FSTL5: variants seen among roughly 807,000 people sequenced by gnomAD.
FSTL5 encodes the protein follistatin like 5, also known as follistatin-related protein 5.
FSTL5 carries 62 observed loss-of-function variants against 89.1 expected under a neutral mutation model. The observed-to-expected ratio is 0.70, with a 90% CI of 0.57 to 0.86. The LOEUF (loss-of-function observed/expected upper bound fraction) is 0.86, where lower values mean the gene tolerates loss of function less well. Ranked by LOEUF, FSTL5 falls within the 40% of genes least tolerant of loss-of-function variation. The pLI is 0.00. For missense variants in FSTL5, 1,057 were observed against 1,001.6 expected (o/e 1.06, Z -0.75); for synonymous variants, 383 against 346.2 (o/e 1.11, Z -1.18).
intron 10 of FSTL5, 134 bp from the exon 11 acceptor site, chr4:161,510,558 T>A (rs1730619522): frequency 2.0e-6 from 1 of 500,954 alleles, no homozygotes; most frequent in Non-Finnish European, 3.5e-6. Context: ...TGAAGTTAAT[T>A]CAGTGAGCTA....
intron 7 of FSTL5, among the ~76,000 whole-genome samples, chr4:161,600,709 T>C (rs1034005289): frequency 3.3e-5 from 5 of 152,144 alleles, no homozygotes; most frequent in Non-Finnish European, 7.4e-5. Context: ...TTTATTTTGG[T>C]TTCATCAAAA....
chr4:161,531,363 T>C (rs2126530456), intron 10 of FSTL5, among the ~76,000 whole-genome samples: 1 of 152,304 alleles, frequency 6.6e-6, no homozygotes, highest in East Asian at 1.9e-4. Context: ...ATGAGCTCTC[T>C]ATTATGTAGA....
At chr4:161,464,782 T>C (rs1219331980) in intron 13 of FSTL5, among the ~76,000 whole-genome samples, 1 of 152,246 alleles carries the variant, frequency 6.6e-6, no homozygotes, top group East Asian at 1.9e-4. Context: ...ATCATGATCA[T>C]TATTGTTATT....
intron 6 of FSTL5, among the ~76,000 whole-genome samples, chr4:161,682,242 T>C (rs1296338834): frequency 1.3e-5 from 2 of 152,166 alleles, no homozygotes; most frequent in African/African-American, 4.8e-5. Flanking sequence ...TGTGAAGGCC[T>C]AGGACATTCC....
At chr4:162,100,047 T>C (rs549949390) in intron 2 of FSTL5, among the ~76,000 whole-genome samples, 3 of 152,318 alleles carry the variant, frequency 2.0e-5, no homozygotes, top group Non-Finnish European at 4.4e-5. Context: ...GACCATATGA[T>C]CCAGCGATCA....
rs188800351 is a variant in FSTL5, at chr4:161,487,026, T to C, written c.1459-5857A>G. 4.9e-4 allele frequency among the ~76,000 whole-genome samples: 75 copies of C among 152,304 alleles called. No homozygotes were observed. The East Asian group carries it at 0.014, about 28-fold the overall frequency. On this transcript the variant is annotated intron_variant, in intron 12 of 15. Transcript: ENST00000306100. Reference sequence around the variant, plus strand: ...GGCAGCCAAATTTCCAACACCTACATAATTCATTCCTAACTTTGAGGTGTT... The same window carrying C: ...GGCAGCCAAATTTCCAACACCTACACAATTCATTCCTAACTTTGAGGTGTT...
intron 3 of FSTL5, among the ~76,000 whole-genome samples, chr4:161,924,483 G>A (rs936387419): frequency 8.6e-5 from 13 of 151,526 alleles, no homozygotes; most frequent in Middle Eastern, 3.4e-3. Flanking sequence ...TATGAGCAAG[G>A]TGGTATATTG....
At chr4:161,585,699 C>T (rs915945565) in intron 8 of FSTL5, among the ~76,000 whole-genome samples, 2 of 151,940 alleles carry the variant, frequency 1.3e-5, no homozygotes, top group African/African-American at 2.4e-5. Flanking sequence ...AACAATTTCC[C>T]CATGGATGCT....
chr4:161,814,412 C>T (rs917131151), intron 4 of FSTL5, among the ~76,000 whole-genome samples: 1 of 152,118 alleles, frequency 6.6e-6, no homozygotes, highest in Admixed American at 6.5e-5. Flanking sequence ...GAGCTCAGTT[C>T]TTGATACATT....
intron 8 of FSTL5, among the ~76,000 whole-genome samples, chr4:161,566,531 A>G (rs1732822935): frequency 6.6e-6 from 1 of 150,714 alleles, no homozygotes; most frequent in South Asian, 2.1e-4. Context: ...GAAATCGCCA[A>G]ACTGTTCTCC....
intron 3 of FSTL5, among the ~76,000 whole-genome samples, chr4:161,987,541 TAATG>T (rs1735999946): frequency 6.8e-6 from 1 of 147,336 alleles, no homozygotes; most frequent in African/African-American, 2.5e-5. Flanking sequence ...GAAATATATA[TAATG>T]AAAGTATATA....
At chr4:161,990,440 T>C (rs1439840046) in intron 3 of FSTL5, among the ~76,000 whole-genome samples, 1 of 152,114 alleles carries the variant, frequency 6.6e-6, no homozygotes, top group Non-Finnish European at 1.5e-5. Flanking sequence ...ATTTTAAATA[T>C]GAATAAATTA....
intron 7 of FSTL5, among the ~76,000 whole-genome samples, chr4:161,612,178 G>A (rs1051671862): frequency 2.0e-4 from 30 of 152,068 alleles, no homozygotes; most frequent in African/African-American, 6.5e-4. Context: ...AAAGAACAAA[G>A]ATCAATTTTA....
At chr4:161,831,627 T>C (rs972979053) in intron 4 of FSTL5, among the ~76,000 whole-genome samples, 2 of 151,962 alleles carry the variant, frequency 1.3e-5, no homozygotes, top group African/African-American at 4.8e-5. Context: ...TTTCAATTTC[T>C]TGCTATTGAA....
intron 1 of FSTL5, among the ~76,000 whole-genome samples, chr4:162,132,855 T>A (rs1027000366): frequency 1.3e-5 from 2 of 152,226 alleles, no homozygotes; most frequent in African/African-American, 4.8e-5. Context: ...TCACATGGTA[T>A]TAGGTGATTA....
chr4:161,874,028 G>A (rs1732359384), intron 4 of FSTL5, among the ~76,000 whole-genome samples: 1 of 151,946 alleles, frequency 6.6e-6, no homozygotes, highest in African/African-American at 2.4e-5. Flanking sequence ...CTTAGTATAT[G>A]GAAGGTATTA....
chr4:161,483,367 A>T (rs1302449179), intron 12 of FSTL5, among the ~76,000 whole-genome samples: 1 of 152,252 alleles, frequency 6.6e-6, no homozygotes, highest in African/African-American at 2.4e-5. Context: ...CTGCCAAAGT[A>T]ATGAAAAGTG....
At chr4:161,852,869 A>G (rs1232607798) in intron 4 of FSTL5, among the ~76,000 whole-genome samples, 1 of 152,080 alleles carries the variant, frequency 6.6e-6, no homozygotes, top group African/African-American at 2.4e-5. Flanking sequence ...AGCATCAGGA[A>G]GAATAGCTAA....
chr4:161,761,707 C>T (rs928791935), intron 5 of FSTL5, among the ~76,000 whole-genome samples: 3 of 152,172 alleles, frequency 2.0e-5, no homozygotes, highest in South Asian at 2.1e-4. Flanking sequence ...GATGATACAA[C>T]TTAAGCTGGG....
Sources: allele counts gnomAD v4.1 joint callset (sites outside exome capture counted in the v4.1 genomes callset), GRCh38; gene constraint gnomAD v4.1.1; transcripts MANE v1.5; gene names NCBI Gene and HGNC (gene_info 2026-07-23, HGNC 2026-07-21).